SLC31A2: variants seen among roughly 807,000 people sequenced by gnomAD.
SLC31A2 encodes solute carrier family 31 member 2.
SLC31A2 carries 16 observed loss-of-function variants against 14.4 expected under a neutral mutation model. The observed-to-expected ratio is 1.11, with a 90% CI of 0.75 to 1.69. The LOEUF (loss-of-function observed/expected upper bound fraction) is 1.69, where lower values mean the gene tolerates loss of function less well. SLC31A2 is among the 40% of genes most tolerant of loss of function. The pLI is 0.00. For synonymous variants in SLC31A2, 56 were observed against 68.7 expected (o/e 0.82, Z 0.91); for missense variants, 140 against 173.9 (o/e 0.81, Z 1.10).
At chr9:113,157,695 GC>G in intron 1 of SLC31A2, 31 bp from the exon 2 acceptor site, 1 of 1,570,440 alleles carries the variant, frequency 6.4e-7, no homozygotes, top group East Asian at 2.3e-5. Context: ...ACTGCCCTGT[GC>G]CCCTATGATG....
At chr9:113,156,596 A>T (rs776017588) in intron 1 of SLC31A2, among the ~76,000 whole-genome samples, 7 of 152,160 alleles carry the variant, frequency 4.6e-5, no homozygotes, top group Non-Finnish European at 8.8e-5. Flanking sequence ...GCTGATTACA[A>T]CTCAGCCAGG....
chr9:113,155,054 C>G (rs1348736499), intron 1 of SLC31A2, among the ~76,000 whole-genome samples: 1 of 152,238 alleles, frequency 6.6e-6, no homozygotes, highest in African/African-American at 2.4e-5. Flanking sequence ...GTTTGCATAT[C>G]TTCCTGAAAT....
At chr9:113,159,288 G>A (rs12686011) in intron 2 of SLC31A2, among the ~76,000 whole-genome samples, 11,675 of 152,052 alleles carry the variant, frequency 0.077, 949 homozygotes, top group East Asian at 0.43. Flanking sequence ...GCACCACAAT[G>A]CCCAGCTAAT....
chr9:113,151,385 G>C lies in SLC31A2; in HGVS notation c.6+305G>C, dbSNP rs1312374746. On this transcript the variant is annotated intron_variant, in intron 1 of 3. Transcript: ENST00000259392. The surrounding 1 kb of genome is among the most constrained non-coding windows in gnomAD (Gnocchi z 4.2). The stretch of plus-strand genomic sequence containing the variant: ...GCGGTGGCTGAAGACAGCTGGGTCC[G>C]GGGCCCCCGGCCCCGGACCTCTGGC... Among the ~76,000 whole-genome samples, 3 of 151,884 alleles carry C rather than the reference G, an allele frequency of 2.0e-5. No homozygotes were observed. Among genetic ancestry groups the C allele is most frequent in the Non-Finnish European group, 4.4e-5 (3 of 67,964 alleles).
At chr9:113,158,219 ACCAATTTGAAAGG>A (rs1291861912) in intron 2 of SLC31A2, 5 of 355,634 alleles carry the variant, frequency 1.4e-5, no homozygotes, top group African/African-American at 1.1e-4. Flanking sequence ...GAGATGAGAC[ACCAATTTGAAAGG>A]AAAGAATATT....
At position 113,161,571 on chromosome 9, in the gene SLC31A2, G is replaced by A; in HGVS notation, c.136G>A (p.Gly46Ser). Residue 46 changes from glycine (G) to serine (S), a missense_variant, in exon 3 of 4, where the codon GGC becomes AGC. By Grantham distance (56) the Gly-to-Ser change is moderately conservative. Transcript: ENST00000259392. ...TGTACTGTATGAAGGCATCAAGGTTGGCAAAGCCAAGCTGCTCAACCAGGT... is the reference window on the plus strand; with the variant it reads ...TGTACTGTATGAAGGCATCAAGGTTAGCAAAGCCAAGCTGCTCAACCAGGT... ...LAVLYEGIKVGKAKLLNQVLV... is the reference protein window; with the variant it reads ...LAVLYEGIKVSKAKLLNQVLV... 1 of 1,614,032 alleles carries A rather than the reference G, an allele frequency of 6.2e-7. No individual in the cohort carries two copies. Among genetic ancestry groups the A allele is most frequent in the African/African-American group, 1.3e-5 (1 of 75,050 alleles).
In SLC31A2 at chr9:113,151,089, C is replaced by G. The variant is rs781745339; in HGVS notation, c.6+9C>G. 1 of 1,305,370 alleles carries G rather than the reference C, an allele frequency of 7.7e-7. No homozygotes were observed. Among genetic ancestry groups the G allele is most frequent in the South Asian group, 3.0e-5 (1 of 33,626 alleles). 80.9% of individuals were successfully genotyped at this position (1,305,370 alleles called of 1,614,324 possible). A position where few individuals can be genotyped will look rare whatever the true frequency, so the allele number is the denominator to read the frequency against. The stretch of plus-strand genomic sequence containing the variant: ...GCGCACTCACCATGGCGGTAAGGGC[C>G]GGGCGCTACGGTGAAGAGGGTGGGC... On this transcript the variant is annotated intron_variant, in intron 1 of 3. Transcript: ENST00000259392. This position sits in a 1 kb window ranked among gnomAD's most constrained non-coding sequence, Gnocchi z 4.2.
chr9:113,156,142 T>C, intron 1 of SLC31A2: 1 of 518,126 alleles, frequency 1.9e-6, no homozygotes, highest in Non-Finnish European at 3.8e-6. Flanking sequence ...ACCCCCACAC[T>C]GACGTTTGCC....
chr9:113,158,082 G>T (rs956503861), intron 2 of SLC31A2: 10 of 524,312 alleles, frequency 1.9e-5, no homozygotes, highest in African/African-American at 1.7e-4. Flanking sequence ...AGAGAGACTC[G>T]TGCAGGGTCA....
chr9:113,163,063 G>A lies in SLC31A2; in HGVS notation c.*146G>A, dbSNP rs1830042823. ...AAACTTTGAGCTGAAGCCAGCACTT[G>A]CTCCCTGGAGTTCGGAAGCCATTGC... is the stretch of plus-strand genomic sequence containing the variant. On this transcript the variant is annotated 3_prime_UTR_variant, in exon 4 of 4. Transcript: ENST00000259392. The A allele has an allele frequency of 5.5e-6, 4 of 731,232 alleles. No homozygotes were observed. In the African/African-American group the frequency reaches 7.3e-5, roughly 13 times the overall value. 45.3% of individuals were successfully genotyped at this position (731,232 alleles called of 1,614,324 possible). A position where few individuals can be genotyped will look rare whatever the true frequency, so the allele number is the denominator to read the frequency against.
rs531999430 is a variant in SLC31A2 at position 113,163,042 on chromosome 9, T to C, written c.*125T>C. ...CACCTTATTCCCAGCCCCTGGAAACTTTGAGCTGAAGCCAGCACTTGCTCC... is the reference window on the plus strand; with the variant it reads ...CACCTTATTCCCAGCCCCTGGAAACCTTGAGCTGAAGCCAGCACTTGCTCC... On this transcript the variant is annotated 3_prime_UTR_variant, in exon 4 of 4. Transcript: ENST00000259392. The C allele has an allele frequency of 6.1e-6, 6 of 980,356 alleles. No individual in the cohort carries two copies. In the African/African-American group the frequency reaches 1.0e-4, roughly 16 times the overall value. The allele number at this position is 980,356 out of a possible 1,614,324, so 60.7% of individuals were successfully genotyped here.
chr9:113,153,579 C>A (rs7028143), intron 1 of SLC31A2, among the ~76,000 whole-genome samples: 1 of 152,020 alleles, frequency 6.6e-6, no homozygotes, highest in Non-Finnish European at 1.5e-5. Context: ...ATGTACCTTC[C>A]TTGTTAAAGA....
At chr9:113,153,560 T>A (rs1207314568) in intron 1 of SLC31A2, among the ~76,000 whole-genome samples, 1 of 152,156 alleles carries the variant, frequency 6.6e-6, no homozygotes, top group Admixed American at 6.5e-5. Context: ...GGGAGATAAG[T>A]GGGCTTTTAT....
At position 113,151,396 on chromosome 9, in the gene SLC31A2, C is replaced by T. The variant is rs1829863368; in HGVS notation, c.6+316C>T. On this transcript the variant is annotated intron_variant, in intron 1 of 3. Coordinates refer to ENST00000259392, the MANE Select transcript of SLC31A2 (RefSeq NM_001860.3). This position sits in a 1 kb window ranked among gnomAD's most constrained non-coding sequence, Gnocchi z 4.2. ...AGACAGCTGGGTCCGGGGCCCCCGG[C>T]CCCGGACCTCTGGCCGGCGCCCCAG... Among the ~76,000 whole-genome samples the T allele has an allele frequency of 1.3e-5, 2 of 151,894 alleles. No homozygotes were observed. Among genetic ancestry groups the T allele is most frequent in the African/African-American group, 4.8e-5 (2 of 41,384 alleles).
chr9:113,157,738 C>T lies in SLC31A2; in HGVS notation c.18C>T (p.Ile6=), dbSNP rs370049098. 1.9e-6 allele frequency: 3 copies of T among 1,612,582 alleles called. No individual in the cohort carries two copies. The highest frequency in any genetic ancestry group is 2.5e-6 in the Non-Finnish European group (3 of 1,179,256). ...CCTTTCTCTTTCAGATGCATTTCAT[C>T]TTCTCAGATACAGCGGTGCTTCTGT... MAMHF[I]FSDTAVLLFD... The change falls in exon 2 of 4, where the codon ATC becomes ATT. Residue 6 remains isoleucine, a synonymous_variant. Coordinates refer to ENST00000259392, the MANE Select transcript of SLC31A2 (RefSeq NM_001860.3).
rs534445982 is a variant in SLC31A2 at position 113,151,505 on chromosome 9, C to G, written c.6+425C>G. On this transcript the variant is annotated intron_variant, in intron 1 of 3. Transcript: ENST00000259392. This position sits in a 1 kb window ranked among gnomAD's most constrained non-coding sequence, Gnocchi z 4.2. ...GCGCATTTCAGCCCGCAGCCCCGCGCGCACACCGAGCGCACATCCCCGGCC... is the reference window on the plus strand; with the variant it reads ...GCGCATTTCAGCCCGCAGCCCCGCGGGCACACCGAGCGCACATCCCCGGCC... 1.7e-5 allele frequency: 3 copies of G among 178,346 alleles called. No homozygotes were observed. The East Asian group carries it at 4.0e-4, about 24-fold the overall frequency. 11.0% of individuals were successfully genotyped at this position (178,346 alleles called of 1,614,324 possible).
In SLC31A2 at chr9:113,151,526, C is replaced by T. The variant is rs958865807; in HGVS notation, c.6+446C>T. Reference sequence around the variant, plus strand: ...CGCGCGCACACCGAGCGCACATCCCCGGCCCTGCTCTTGTCAAGTTTGTAG... The same window carrying T: ...CGCGCGCACACCGAGCGCACATCCCTGGCCCTGCTCTTGTCAAGTTTGTAG... On this transcript the variant is annotated intron_variant, in intron 1 of 3. Transcript: ENST00000259392. This position sits in a 1 kb window ranked among gnomAD's most constrained non-coding sequence, Gnocchi z 4.2. 2 of 169,622 alleles carry T rather than the reference C, an allele frequency of 1.2e-5. No homozygotes were observed. The highest frequency in any genetic ancestry group is 2.4e-5 in the African/African-American group (1 of 42,178). The allele number at this position is 169,622 out of a possible 1,614,324, so 10.5% of individuals were successfully genotyped here. A position where few individuals can be genotyped will look rare whatever the true frequency, so the allele number is the denominator to read the frequency against.
chr9:113,159,967 G>C (rs1829986843), intron 2 of SLC31A2, among the ~76,000 whole-genome samples: 1 of 152,158 alleles, frequency 6.6e-6, no homozygotes. Flanking sequence ...CTGAGGTTAG[G>C]AGTTCAAGAC....
Position 113,161,658 on chromosome 9 carries a change from G to T in SLC31A2, c.223G>T (p.Ala75Ser). 1 of 1,614,012 alleles carries T rather than the reference G, an allele frequency of 6.2e-7. No individual in the cohort carries two copies. The highest frequency in any genetic ancestry group is 1.1e-5 in the South Asian group (1 of 91,082). Residue 75 changes from alanine (A) to serine (S), a missense_variant, in exon 3 of 4, where the codon GCA (alanine) becomes TCA (serine). Physicochemically the swap from Ala to Ser is moderately conservative, Grantham distance 99. Transcript: ENST00000259392. The stretch of plus-strand genomic sequence containing the variant: ...CATCGCAGAGACAGACGGGGACTCT[G>T]CAGGCTCAGATTCATTCCCTGTTGG... ...QTIAETDGDS[A>S]GSDSFPVGRT...
Sources: allele counts gnomAD v4.1 joint callset (sites outside exome capture counted in the v4.1 genomes callset), GRCh38; gene constraint gnomAD v4.1.1; non-coding constraint Gnocchi (gnomAD v3.1); transcripts MANE v1.5; gene names NCBI Gene and HGNC (gene_info 2026-07-23, HGNC 2026-07-21).